Variants in GPR158 observed in about 807,000 individuals in gnomAD.
GPR158 encodes the protein metabotropic glycine receptor.
In GPR158, 30 loss-of-function variants were observed where a neutral mutation model predicts 78.2. The observed-to-expected ratio is 0.38, with a 90% CI of 0.29 to 0.52. The LOEUF (loss-of-function observed/expected upper bound fraction) is 0.52, where lower values mean the gene tolerates loss of function less well. Ranked by LOEUF, GPR158 falls within the 20% of genes least tolerant of loss-of-function variation. The probability of loss-of-function intolerance (pLI) is 0.83; values close to 1 mark genes in which losing one functional copy is unlikely to be tolerated. For synonymous variants in GPR158, 581 were observed against 591.1 expected, an observed-to-expected ratio of 0.98 and a Z score of 0.25; for missense variants, 1,463 against 1,523.5, an observed-to-expected ratio of 0.96 and a Z score of 0.66.
chr10:25,281,409 C>CAAAAAAA (rs749627659), intron 2 of GPR158, among the ~76,000 whole-genome samples: 1 of 68,524 alleles, frequency 1.5e-5, no homozygotes, highest in Non-Finnish European at 3.5e-5. Flanking sequence ...ACCAAAAATA[C>CAAAAAAA]AAAAAAAAAA....
In GPR158 at chr10:25,600,135, G is replaced by A. The variant is rs1837474534; in HGVS notation, c.*861G>A. On this transcript the variant is annotated 3_prime_UTR_variant, in exon 11 of 11. Coordinates refer to ENST00000376351, the MANE Select transcript of GPR158 (RefSeq NM_020752.3). ...TTGAGTTACTTGTTTTGCACTTCTTGTTAGGACTCAGAAGCTTTATTAATA... is the reference window on the plus strand; with the variant it reads ...TTGAGTTACTTGTTTTGCACTTCTTATTAGGACTCAGAAGCTTTATTAATA... 1 of 152,576 alleles carries A rather than the reference G, an allele frequency of 6.6e-6. No homozygotes were observed. The highest frequency in any genetic ancestry group is 1.5e-5 in the Non-Finnish European group (1 of 68,022). The allele number at this position is 152,576 out of a possible 1,614,324, so 9.5% of individuals were successfully genotyped here. A position where few individuals can be genotyped will look rare whatever the true frequency, so the allele number is the denominator to read the frequency against.
At chr10:25,547,089 G>A (rs1473587898) in intron 5 of GPR158, among the ~76,000 whole-genome samples, 1 of 152,158 alleles carries the variant, frequency 6.6e-6, no homozygotes, top group Non-Finnish European at 1.5e-5. Flanking sequence ...TTGCCATTTG[G>A]GAACTGCAAT....
At chr10:25,337,723 A>G (rs548758547) in intron 2 of GPR158, among the ~76,000 whole-genome samples, 1 of 140,664 alleles carries the variant, frequency 7.1e-6, no homozygotes, top group African/African-American at 3.2e-5. Flanking sequence ...AGAATTTTCT[A>G]AAATGATTGT....
intron 9 of GPR158, among the ~76,000 whole-genome samples, chr10:25,595,394 C>A (rs578030432): frequency 6.6e-6 from 1 of 152,146 alleles, no homozygotes; most frequent in African/African-American, 2.4e-5. Flanking sequence ...TGGAGCTATA[C>A]TGAGATTATT....
At chr10:25,273,181 T>C (rs1854139223) in intron 2 of GPR158, among the ~76,000 whole-genome samples, 1 of 152,170 alleles carries the variant, frequency 6.6e-6, no homozygotes, top group African/African-American at 2.4e-5. Context: ...GTTTGTTCTA[T>C]GGGATGTGAT....
At position 25,275,477 on chromosome 10, in the gene GPR158, T is replaced by G. The variant is rs756532957; in HGVS notation, c.1008+54320T>G. Among the ~76,000 whole-genome samples, 22 of 152,312 alleles carry G rather than the reference T, an allele frequency of 1.4e-4. No individual in the cohort carries two copies. In the South Asian group the frequency reaches 1.4e-3, roughly 10 times the overall value. On this transcript the variant is annotated intron_variant, in intron 2 of 10. Coordinates refer to ENST00000376351, the MANE Select transcript of GPR158 (RefSeq NM_020752.3). ...TTAACTACTACAATAGCAGAAGAAATAAATTACTTTCCTATCGGTAACAAC... is the reference window on the plus strand; with the variant it reads ...TTAACTACTACAATAGCAGAAGAAAGAAATTACTTTCCTATCGGTAACAAC...
chr10:25,477,199 C>G (rs1164815051), intron 5 of GPR158, among the ~76,000 whole-genome samples: 1 of 151,914 alleles, frequency 6.6e-6, no homozygotes, highest in Non-Finnish European at 1.5e-5. Flanking sequence ...AGAATTTGAT[C>G]CCATGATTAC....
chr10:25,478,942 C>T (rs1835626599), intron 5 of GPR158, among the ~76,000 whole-genome samples: 1 of 151,952 alleles, frequency 6.6e-6, no homozygotes, highest in Admixed American at 6.6e-5. Context: ...TGATGATTTC[C>T]AGCTTCATCC....
At chr10:25,514,724 T>C (rs1010881808) in intron 5 of GPR158, among the ~76,000 whole-genome samples, 1 of 152,206 alleles carries the variant, frequency 6.6e-6, no homozygotes, top group African/African-American at 2.4e-5. Context: ...GTGAATTCTC[T>C]TAGCATTTGT....
chr10:25,311,959 TAGA>T (rs1042257177), intron 2 of GPR158, among the ~76,000 whole-genome samples: 3 of 152,078 alleles, frequency 2.0e-5, no homozygotes, highest in African/African-American at 4.8e-5. Context: ...TCTGGCCTAA[TAGA>T]AGACAGATGG....
At chr10:25,475,611 G>A (rs1303916713) in intron 5 of GPR158, 4 of 152,074 alleles carry the variant, frequency 2.6e-5, no homozygotes. Flanking sequence ...TTTGCTATAA[G>A]GAAGACCTGT....
chr10:25,558,191 GTTGTT>G (rs928980384), intron 6 of GPR158, among the ~76,000 whole-genome samples: 1 of 152,184 alleles, frequency 6.6e-6, no homozygotes, highest in Non-Finnish European at 1.5e-5. Context: ...TGTTGCCTGA[GTTGTT>G]TTGGTTTCAA....
intron 4 of GPR158, among the ~76,000 whole-genome samples, chr10:25,440,573 G>C (rs995502504): frequency 6.6e-6 from 1 of 152,126 alleles, no homozygotes. Context: ...CAGAAATAAC[G>C]TTCTTACTGA....
chr10:25,574,937 C>T (rs568834164), intron 7 of GPR158, among the ~76,000 whole-genome samples: 15 of 151,696 alleles, frequency 9.9e-5, no homozygotes, highest in Non-Finnish European at 1.8e-4. Flanking sequence ...GGCAGTGGCT[C>T]ACACCTGTAA....
chr10:25,359,005 T>TTG (rs548587436), intron 2 of GPR158, among the ~76,000 whole-genome samples: 44 of 117,318 alleles, frequency 3.8e-4, no homozygotes, highest in African/African-American at 2.9e-3. Flanking sequence ...AAGTATTCTG[T>TTG]TTTTTTTTGT....
At position 25,211,047 on chromosome 10, in the gene GPR158, G is replaced by A. The variant is rs147559512; in HGVS notation, c.903-10005G>A. ...CTCGGGAGACTGAGGCAGGAGAATC[G>A]CTTAAACCAGGGAGTCGGAGGTTGC... On this transcript the variant is annotated intron_variant, in intron 1 of 10. Transcript: ENST00000376351. 4.3e-3 allele frequency among the ~76,000 whole-genome samples: 650 copies of A among 151,978 alleles called. 6 individuals are homozygous for A. The highest frequency in any genetic ancestry group is 0.013 in the African/African-American group (556 of 41,440).
chr10:25,416,417 A>T (rs1834660705), intron 4 of GPR158, among the ~76,000 whole-genome samples: 1 of 152,152 alleles, frequency 6.6e-6, no homozygotes, highest in African/African-American at 2.4e-5. Flanking sequence ...GTGATTACTT[A>T]GTGTGCAAAC....
At chr10:25,347,016 C>T (rs1321174654) in intron 2 of GPR158, among the ~76,000 whole-genome samples, 2 of 151,782 alleles carry the variant, frequency 1.3e-5, no homozygotes, top group South Asian at 2.1e-4. Context: ...TTATAATTTC[C>T]GCCTCATGGG....
intron 2 of GPR158, among the ~76,000 whole-genome samples, chr10:25,296,714 C>T (rs1281410450): frequency 6.6e-6 from 1 of 151,968 alleles, no homozygotes; most frequent in African/African-American, 2.4e-5. Flanking sequence ...ATTCATTTAC[C>T]TCTCATAATG....
Sources: allele counts gnomAD v4.1 joint callset (sites outside exome capture counted in the v4.1 genomes callset), GRCh38; gene constraint gnomAD v4.1.1; transcripts MANE v1.5; gene names NCBI Gene and HGNC (gene_info 2026-07-23, HGNC 2026-07-21).